The following MIGA1 variants were observed in gnomAD, a reference collection of about 807,000 sequenced individuals.
MIGA1 encodes mitoguardin 1, also known as family with sequence similarity 73, member A.
A neutral mutation model predicts 82.0 loss-of-function variants in MIGA1; 58 were observed. The ratio of observed to expected loss-of-function variants is 0.71; its 90% CI spans 0.57 to 0.88. The LOEUF is 0.88. Ranked by LOEUF, MIGA1 falls within the 40% of genes least tolerant of loss-of-function variation. MIGA1 has a pLI of 0.00. For missense variants in MIGA1, 751 were observed against 749.1 expected (o/e 1.00, Z -0.03); for synonymous variants, 249 against 253.6 (o/e 0.98, Z 0.17).
intron 3 of MIGA1, among the ~76,000 whole-genome samples, 193 bp downstream of exon 3, chr1:77,801,701 T>A (rs770462770): frequency 3.3e-5 from 5 of 152,216 alleles, no homozygotes; most frequent in African/African-American, 4.8e-5. Context: ...GACATTCTGG[T>A]ACCCAGAAAT....
chr1:77,851,746 A>G (rs1056588424), intron 8 of MIGA1, among the ~76,000 whole-genome samples: 3 of 152,310 alleles, frequency 2.0e-5, no homozygotes, highest in African/African-American at 7.2e-5. Flanking sequence ...AACCAAACCA[A>G]CAAATAAGCA....
Position 77,847,185 on chromosome 1 carries a change from G to A in MIGA1, c.996+3778G>A, listed in dbSNP as rs867402968. ...AGTTGCATCCTGTTTTGCAAAAACC[G>A]TCAGTGTTTGGGAATGATTCTGATG... On this transcript the variant is annotated intron_variant, in intron 8 of 15. Transcript: ENST00000370791. 2.7e-4 allele frequency: 345 copies of A among 1,298,568 alleles called. 3 individuals carry two copies. In the Middle Eastern group the frequency reaches 0.012, roughly 46 times the overall value. 80.4% of individuals were successfully genotyped at this position (1,298,568 alleles called of 1,614,324 possible). A position where few individuals can be genotyped will look rare whatever the true frequency, so the allele number is the denominator to read the frequency against.
Position 77,782,084 on chromosome 1 carries a change from G to A in MIGA1, c.82-1154G>A, listed in dbSNP as rs372716449. Among the ~76,000 whole-genome samples the A allele has an allele frequency of 2.6e-5, 4 of 151,546 alleles. No individual in the cohort carries two copies. The East Asian group carries it at 5.8e-4, about 22-fold the overall frequency. Reference sequence around the variant, plus strand: ...TGGACTCAAGCAATCCACCCATCTCGGCCTCCCAAAGTCACTCCCAAAGTG... The same window carrying A: ...TGGACTCAAGCAATCCACCCATCTCAGCCTCCCAAAGTCACTCCCAAAGTG... On this transcript the variant is annotated intron_variant, in intron 1 of 15. Coordinates refer to ENST00000370791, the MANE Select transcript of MIGA1 (RefSeq NM_198549.4).
rs569923376 is a variant in MIGA1, at chr1:77,852,402, G to A, written c.997-6536G>A. On this transcript the variant is annotated intron_variant, in intron 8 of 15. Transcript: ENST00000370791. ...AACATATATTCCTTAAAATATGAGG[G>A]GAAATGTTACTTAAAGTAGAGAATA... is the stretch of plus-strand genomic sequence containing the variant. Among the ~76,000 whole-genome samples, 17 of 152,160 alleles carry A rather than the reference G, an allele frequency of 1.1e-4. No individual in the cohort carries two copies. The South Asian group carries it at 2.7e-3, about 24-fold the overall frequency.
chr1:77,836,354 T>C (rs774960853), intron 7 of MIGA1, among the ~76,000 whole-genome samples: 4 of 152,204 alleles, frequency 2.6e-5, no homozygotes, highest in Non-Finnish European at 5.9e-5. Flanking sequence ...ACGCTTTTGC[T>C]ATACTGCCTT....
At chr1:77,832,946 C>T (rs913777279) in intron 7 of MIGA1, among the ~76,000 whole-genome samples, 1 of 152,120 alleles carries the variant, frequency 6.6e-6, no homozygotes, top group African/African-American at 2.4e-5. Flanking sequence ...GAGATTTTGC[C>T]AGCTTAGTAC....
chr1:77,847,997 C>G (rs1684907583), intron 8 of MIGA1: 7 of 1,229,506 alleles, frequency 5.7e-6, no homozygotes, highest in Non-Finnish European at 8.4e-6. Flanking sequence ...ATCAAAACCA[C>G]TCTCAGTCAC....
chr1:77,826,770 A>G (rs1290406948), intron 7 of MIGA1, among the ~76,000 whole-genome samples: 1 of 149,266 alleles, frequency 6.7e-6, no homozygotes, highest in Non-Finnish European at 1.5e-5. Context: ...CCACCATGCC[A>G]GGTCTGGATT....
At chr1:77,827,436 C>T (rs1031705864) in intron 7 of MIGA1, among the ~76,000 whole-genome samples, 7 of 151,698 alleles carry the variant, frequency 4.6e-5, no homozygotes, top group South Asian at 2.1e-4. Flanking sequence ...ATCACACCAC[C>T]GCACTCCAGC....
chr1:77,819,099 A>T (rs1356330721), intron 7 of MIGA1, among the ~76,000 whole-genome samples: 2 of 150,870 alleles, frequency 1.3e-5, no homozygotes, highest in Non-Finnish European at 3.0e-5. Flanking sequence ...AAAAAAAAAG[A>T]AAAAGAAAAT....
intron 7 of MIGA1, among the ~76,000 whole-genome samples, chr1:77,838,726 G>C (rs1459707273): frequency 6.6e-6 from 1 of 152,136 alleles, no homozygotes. Context: ...GGGATTACAG[G>C]CATCAGCCAC....
At chr1:77,832,673 A>G (rs964300828) in intron 7 of MIGA1, among the ~76,000 whole-genome samples, 1 of 152,202 alleles carries the variant, frequency 6.6e-6, no homozygotes, top group Non-Finnish European at 1.5e-5. Context: ...AAGTTCTTTG[A>G]TATGTTTTGG....
chr1:77,872,409 T>C (rs1043685098), intron 14 of MIGA1, among the ~76,000 whole-genome samples: 5 of 152,116 alleles, frequency 3.3e-5, no homozygotes, highest in African/African-American at 1.2e-4. Flanking sequence ...AAGACCAGCC[T>C]GAGCAACATA....
chr1:77,807,760 G>A (rs1300161240), intron 5 of MIGA1, among the ~76,000 whole-genome samples: 1 of 152,020 alleles, frequency 6.6e-6, no homozygotes, highest in Non-Finnish European at 1.5e-5. Context: ...CATCATTCCA[G>A]TCTCTACCTT....
At chr1:77,842,946 C>T (rs899641215) in intron 7 of MIGA1, among the ~76,000 whole-genome samples, 1 of 152,194 alleles carries the variant, frequency 6.6e-6, no homozygotes, top group South Asian at 2.1e-4. Context: ...ACAAGTTCTT[C>T]TAATTTGGGC....
At chr1:77,843,658 A>G (rs1401976228) in intron 8 of MIGA1, among the ~76,000 whole-genome samples, 2 of 152,200 alleles carry the variant, frequency 1.3e-5, no homozygotes, top group African/African-American at 4.8e-5. Flanking sequence ...ATTATGGGTG[A>G]GGCATATAAA....
chr1:77,829,856 A>G (rs1684177422), intron 7 of MIGA1, among the ~76,000 whole-genome samples: 1 of 151,798 alleles, frequency 6.6e-6, no homozygotes. Context: ...TGAATAATAT[A>G]TTCTTTTCTG....
intron 7 of MIGA1, among the ~76,000 whole-genome samples, chr1:77,829,316 G>A (rs1209489673): frequency 6.6e-6 from 1 of 152,098 alleles, no homozygotes; most frequent in Admixed American, 6.6e-5. Flanking sequence ...GGTGGCATGC[G>A]TGTATATGCC....
intron 7 of MIGA1, among the ~76,000 whole-genome samples, chr1:77,820,469 A>G (rs1683760748): frequency 6.6e-6 from 1 of 152,196 alleles, no homozygotes; most frequent in Admixed American, 6.5e-5. Context: ...AAAAATTAAC[A>G]TATAGAGTAC....
Sources: gnomAD v4.1 joint callset for allele counts (sites outside exome capture counted in the v4.1 genomes callset) on GRCh38, gnomAD v4.1.1 for gene constraint, MANE v1.5 for transcripts, NCBI Gene and HGNC (gene_info 2026-07-23, HGNC 2026-07-21) for gene names.